SASH1: variants seen among roughly 807,000 people sequenced by gnomAD.
SASH1 encodes SAM and SH3 domain containing 1, also known as SAM and SH3 domain-containing protein 1.
SASH1 carries 44 observed loss-of-function variants against 125.2 expected under a neutral mutation model. The ratio of observed to expected loss-of-function variants is 0.35; its 90% CI spans 0.28 to 0.45. The LOEUF is 0.45. Among genes scored for constraint, SASH1 ranks in the 20% least tolerant of loss-of-function variants. SASH1 has a pLI of 1.00. For synonymous variants in SASH1, 639 were observed against 649.1 expected (o/e 0.98, Z 0.24); for missense variants, 1,426 against 1,614.5 (o/e 0.88, Z 2.00).
intron 1 of SASH1, among the ~76,000 whole-genome samples, chr6:148,281,943 A>G (rs932428780): frequency 4.6e-5 from 7 of 152,132 alleles, no homozygotes; most frequent in Non-Finnish European, 7.4e-5. Flanking sequence ...AGGAAAAAGA[A>G]AAGAAAGAAA....
intron 2 of SASH1, among the ~76,000 whole-genome samples, chr6:148,399,749 G>T (rs1784100394): frequency 6.6e-6 from 1 of 152,130 alleles, no homozygotes; most frequent in African/African-American, 2.4e-5. Context: ...AGGTAAAAGT[G>T]GCCACTTTGA....
chr6:148,319,585 C>T (rs1387194652), intron 1 of SASH1, among the ~76,000 whole-genome samples: 2 of 151,964 alleles, frequency 1.3e-5, no homozygotes, highest in South Asian at 2.1e-4. Context: ...GGCATGATCT[C>T]GGCTCACCAC....
chr6:148,243,651 CAAAAAAAAAAAA>C, the SASH1 span, among the ~76,000 whole-genome samples: 4 of 70,288 alleles, frequency 5.7e-5, no homozygotes, highest in African/African-American at 1.1e-4. Flanking sequence ...AACTGTGTCT[CAAAAAAAAAAAA>C]AAAAAAAAAA....
Position 148,332,907 on chromosome 6 carries a change from A to T in SASH1, n.75-57227A>T, listed in dbSNP as rs554236607. The stretch of plus-strand genomic sequence containing the variant: ...GACACTGAGGCAGGAGAATCCCTTG[A>T]ACCCGGGAGGTGGAGGTTGCAGTGA... On this transcript the variant is annotated intron_variant and non_coding_transcript_variant, in intron 1 of 3. Transcript: ENST00000367469. Among the ~76,000 whole-genome samples the T allele has an allele frequency of 2.8e-3, 429 of 152,254 alleles. 1 individual carries two copies. The highest frequency in any genetic ancestry group is 9.7e-3 in the African/African-American group (404 of 41,536).
intron 1 of SASH1, among the ~76,000 whole-genome samples, chr6:148,364,767 A>G (rs1005968579): frequency 8.5e-5 from 13 of 152,172 alleles, no homozygotes; most frequent in Non-Finnish European, 1.9e-4. Flanking sequence ...AAATAGTACA[A>G]ATGAAGCATG....
At chr6:148,405,610 T>C (rs9373560) in intron 2 of SASH1, among the ~76,000 whole-genome samples, 50,871 of 151,826 alleles carry the variant, frequency 0.34, 8,616 homozygotes, top group Admixed American at 0.39. Context: ...TCATATTGCT[T>C]GGCTCTCCAT....
At chr6:148,212,995 A>G in the SASH1 span, among the ~76,000 whole-genome samples, 1 of 152,188 alleles carries the variant, frequency 6.6e-6, no homozygotes, top group Non-Finnish European at 1.5e-5. Flanking sequence ...GGTAAGAACA[A>G]GATAGCTTGT....
intron 1 of SASH1, among the ~76,000 whole-genome samples, chr6:148,290,724 A>G (rs1779609288): frequency 9.5e-6 from 1 of 104,846 alleles, no homozygotes; most frequent in African/African-American, 4.4e-5. Flanking sequence ...GGACACAAAC[A>G]CTGCGGAAGG....
intron 18 of SASH1, 101 bp from the exon 19 acceptor site, chr6:148,545,914 C>A: frequency 8.4e-7 from 1 of 1,196,480 alleles, no homozygotes. Context: ...GCACTCCAGT[C>A]TAAGTGACAG....
At position 148,531,613 on chromosome 6, in the gene SASH1, G is replaced by A; in HGVS notation, c.1516G>A (p.Gly506Ser). ...GGACAAGCCCAAGCTCAAGGCCGGG[G>A]GTTCTGTAGAAAGTCTTCGCAGTTC... ...HLDKPKLKAGGSVESLRSSLS... is the reference protein window; with the variant it reads ...HLDKPKLKAGSSVESLRSSLS... Residue 506 changes from glycine (G) to serine (S), a missense_variant, in exon 13 of 20, where the codon GGT (glycine) becomes AGT (serine). Physicochemically the swap from Gly to Ser is moderately conservative, Grantham distance 56 (BLOSUM62 0). Around this residue, in one of 3 missense-constraint regions of SASH1, gnomAD observed 225 missense variants for 344.5 expected, o/e 0.65. Transcript: ENST00000367467. The A allele has an allele frequency of 6.3e-7, 1 of 1,579,788 alleles. No homozygotes were observed. Among genetic ancestry groups the A allele is most frequent in the Non-Finnish European group, 8.6e-7 (1 of 1,163,144 alleles).
chr6:148,332,729 G>A (rs1231858746), intron 1 of SASH1, among the ~76,000 whole-genome samples: 2 of 152,162 alleles, frequency 1.3e-5, no homozygotes, highest in African/African-American at 4.8e-5. Flanking sequence ...GCTCATGCAT[G>A]TAATTCCAGC....
the SASH1 span, among the ~76,000 whole-genome samples, chr6:148,243,614 G>T: frequency 7.9e-6 from 1 of 126,768 alleles, no homozygotes; most frequent in Non-Finnish European, 1.6e-5. Context: ...CTGTGCTCCA[G>T]TCTGGGCAAA....
intron 4 of SASH1, among the ~76,000 whole-genome samples, chr6:148,445,386 T>C (rs1776728099): frequency 6.6e-6 from 1 of 152,208 alleles, no homozygotes; most frequent in South Asian, 2.1e-4. Flanking sequence ...GTCAACTGGC[T>C]GAACAGGTGA....
chr6:148,455,911 C>G (rs1266575718), intron 4 of SASH1, among the ~76,000 whole-genome samples: 1 of 151,828 alleles, frequency 6.6e-6, no homozygotes, highest in Non-Finnish European at 1.5e-5. Context: ...GTGCCTCCAG[C>G]CTTGGCCTTC....
intron 10 of SASH1, among the ~76,000 whole-genome samples, chr6:148,522,499 G>A (rs1048004442): frequency 6.6e-6 from 1 of 152,092 alleles, no homozygotes; most frequent in African/African-American, 2.4e-5. Context: ...ATATTTGCTT[G>A]ATGAAGCCTC....
At chr6:148,463,306 G>A (rs1424256329) in intron 4 of SASH1, among the ~76,000 whole-genome samples, 1 of 151,954 alleles carries the variant, frequency 6.6e-6, no homozygotes, top group African/African-American at 2.4e-5. Context: ...CACCACGCCT[G>A]GCTAATTATT....
At chr6:148,297,385 G>A (rs1418716427) in intron 1 of SASH1, among the ~76,000 whole-genome samples, 2 of 152,150 alleles carry the variant, frequency 1.3e-5, no homozygotes, top group Non-Finnish European at 2.9e-5. Flanking sequence ...ATTTGATTGT[G>A]ACAACACTTT....
the SASH1 span, among the ~76,000 whole-genome samples, chr6:148,196,842 G>C: frequency 6.6e-6 from 1 of 152,170 alleles, no homozygotes; most frequent in Non-Finnish European, 1.5e-5. Context: ...AAGAGTCAAA[G>C]AAGGTTTCAT....
chr6:148,438,210 G>C (rs1023698423), intron 2 of SASH1, among the ~76,000 whole-genome samples: 1 of 152,136 alleles, frequency 6.6e-6, no homozygotes, highest in Admixed American at 6.5e-5. Flanking sequence ...ACCAACTCCT[G>C]AATAGGAAGG....
Sources: allele counts gnomAD v4.1 joint callset (sites outside exome capture counted in the v4.1 genomes callset), GRCh38; gene constraint gnomAD v4.1.1; regional missense constraint gnomAD v4.1.1; transcripts MANE v1.5; gene names NCBI Gene and HGNC (gene_info 2026-07-23, HGNC 2026-07-21).